SPATA13: variants seen among roughly 807,000 people sequenced by gnomAD.
SPATA13 encodes the protein spermatogenesis associated 13.
A neutral mutation model predicts 104.0 loss-of-function variants in SPATA13; 50 were observed. That is an observed-to-expected ratio of 0.48 (90% CI 0.38 to 0.61). The LOEUF is 0.61. SPATA13 is among the 20% of genes least tolerant of loss of function. SPATA13 has a pLI of 0.00. For missense variants in SPATA13, 1,524 were observed against 1,690.6 expected (o/e 0.90, Z 1.73); for synonymous variants, 606 against 667.5 (o/e 0.91, Z 1.42).
At chr13:24,089,910 G>A (rs1212045353) in intron 3 of SPATA13, among the ~76,000 whole-genome samples, 4 of 152,190 alleles carry the variant, frequency 2.6e-5, no homozygotes, top group Admixed American at 6.5e-5. Context: ...CTGTCCTCTG[G>A]AGGGGCCAAA....
intron 3 of SPATA13, among the ~76,000 whole-genome samples, chr13:24,095,417 G>A (rs1264920895): frequency 6.6e-6 from 1 of 152,042 alleles, no homozygotes; most frequent in Non-Finnish European, 1.5e-5. Flanking sequence ...TGGGGTAGGG[G>A]GTGCAGAATA....
rs57012558 is a variant in SPATA13, at chr13:24,151,972, G to A, written c.-111-70847G>A. Among the ~76,000 whole-genome samples the A allele has an allele frequency of 9.9e-3, 1,509 of 152,322 alleles. 24 individuals carry two copies. The highest frequency in any genetic ancestry group is 0.034 in the African/African-American group (1,433 of 41,558). Reference sequence around the variant, plus strand: ...AAAGGCATAAAGCTGTGAAGATGTGGTTCAGTTCTCAGGGAATGCCTGGTT... The same window carrying A: ...AAAGGCATAAAGCTGTGAAGATGTGATTCAGTTCTCAGGGAATGCCTGGTT... On this transcript the variant is annotated intron_variant, in intron 3 of 14. Transcript: ENST00000424834.
At chr13:24,079,652 C>CT (rs1879445858) in intron 3 of SPATA13, among the ~76,000 whole-genome samples, 1 of 152,100 alleles carries the variant, frequency 6.6e-6, no homozygotes, top group Non-Finnish European at 1.5e-5. Context: ...CCAGTTCTTT[C>CT]CTGGGCTCTA....
intron 4 of SPATA13, among the ~76,000 whole-genome samples, chr13:24,273,442 C>G (rs753663547): frequency 5.3e-5 from 8 of 152,076 alleles, no homozygotes; most frequent in Non-Finnish European, 1.2e-4. Flanking sequence ...TATTGTTGTC[C>G]ACATGTTTAA....
At chr13:24,016,981 G>A (rs1876744161) in intron 2 of SPATA13, among the ~76,000 whole-genome samples, 1 of 152,252 alleles carries the variant, frequency 6.6e-6, no homozygotes, top group Non-Finnish European at 1.5e-5. Context: ...TGAACACCAA[G>A]TGGGGCCTGA....
chr13:24,260,862 T>C (rs1593471580), intron 4 of SPATA13, among the ~76,000 whole-genome samples: 1 of 152,238 alleles, frequency 6.6e-6, no homozygotes, highest in Non-Finnish European at 1.5e-5. Flanking sequence ...CAGGGAGCCT[T>C]GTCCTACATC....
At chr13:24,064,137 G>C (rs1213214795) in intron 3 of SPATA13, among the ~76,000 whole-genome samples, 2 of 152,140 alleles carry the variant, frequency 1.3e-5, no homozygotes, top group East Asian at 3.8e-4. Flanking sequence ...TGCCTCATCA[G>C]GCCACTCCAG....
chr13:24,288,625 G>A (rs937926969), intron 7 of SPATA13, among the ~76,000 whole-genome samples: 5 of 152,330 alleles, frequency 3.3e-5, no homozygotes, highest in Admixed American at 6.5e-5. Flanking sequence ...TCAGCAAGCA[G>A]TGACATTCTG....
intron 1 of SPATA13, among the ~76,000 whole-genome samples, chr13:24,200,766 G>A (rs1001026561): frequency 1.3e-5 from 2 of 151,216 alleles, no homozygotes; most frequent in African/African-American, 4.9e-5. Context: ...CCTCATGACT[G>A]TTGGTCACCT....
chr13:24,090,262 T>C (rs1879868932), intron 3 of SPATA13, among the ~76,000 whole-genome samples: 1 of 152,220 alleles, frequency 6.6e-6, no homozygotes, highest in Non-Finnish European at 1.5e-5. Flanking sequence ...TCTGCTCTGC[T>C]GTGGCCAGGG....
intron 2 of SPATA13, among the ~76,000 whole-genome samples, chr13:24,240,808 C>T (rs184535391): frequency 1.1e-4 from 17 of 152,292 alleles, no homozygotes; most frequent in Admixed American, 1.1e-3. Flanking sequence ...GTGTTTTTCG[C>T]ATCTTTTATC....
chr13:24,286,175 C>T lies in SPATA13; in HGVS notation c.2302-39C>T, dbSNP rs763094471. 5.8e-6 allele frequency: 9 copies of T among 1,557,442 alleles called. No homozygotes were observed. In the South Asian group the frequency reaches 6.0e-5, roughly 10 times the overall value. On this transcript the variant is annotated intron_variant, in intron 5 of 12. Coordinates refer to ENST00000382108, the MANE Select transcript of SPATA13 (RefSeq NM_001166271.3). This position sits in a 1 kb window ranked among gnomAD's most constrained non-coding sequence, Gnocchi z 4.9. ...TGGCTCCCTCACCATCCCGCCCACT[C>T]GTGCTCTATGCTGAGCGCACCCCAC...
In SPATA13 at chr13:24,276,633, T is replaced by TG. The variant is rs1438159567; in HGVS notation, c.2165-7502_2165-7501insG. Among the ~76,000 whole-genome samples, 72 of 70,160 alleles carry TG rather than the reference T, an allele frequency of 1.0e-3. 1 individual carries two copies. In the Middle Eastern group the frequency reaches 0.067, roughly 66 times the overall value. The allele number at this position is 70,160 out of a possible 152,430, so 46.0% of individuals were successfully genotyped here. ...GTGTGCTTAAAAAGGGTTAAGATGG[T>TG]AAAAGAAAGGAAGAAAGAAACAATA... On this transcript the variant is annotated intron_variant, in intron 4 of 12. Transcript: ENST00000382108.
At chr13:24,240,881 C>G (rs903840750) in intron 2 of SPATA13, among the ~76,000 whole-genome samples, 1 of 152,164 alleles carries the variant, frequency 6.6e-6, no homozygotes, top group Non-Finnish European at 1.5e-5. Flanking sequence ...TCTCCTACTT[C>G]AAGGGAGATA....
In SPATA13 at chr13:24,294,808, G is replaced by A. The variant is rs576539911; in HGVS notation, c.3150G>A (p.Lys1050=). The A allele has an allele frequency of 6.9e-5, 112 of 1,611,822 alleles. 3 individuals carry two copies. In the South Asian group the frequency reaches 1.1e-3, roughly 16 times the overall value. Residue 1050 remains lysine, a synonymous_variant, in exon 10 of 13, where the codon AAG becomes AAA. Transcript: ENST00000382108. ...KNVACLINER[K]RKLESIDKIA... ...TGGCCTGTCTGATCAACGAGCGCAA[G>A]CGCAAGCTGGAGAGCATCGACAAGA... is the stretch of plus-strand genomic sequence containing the variant.
chr13:24,013,752 G>T (rs1387464896), intron 2 of SPATA13, among the ~76,000 whole-genome samples: 1 of 142,248 alleles, frequency 7.0e-6, no homozygotes, highest in Non-Finnish European at 1.5e-5. Flanking sequence ...TCAACAGTCT[G>T]CAGTGTTAGG....
At chr13:24,092,710 A>G (rs2137792753) in intron 3 of SPATA13, among the ~76,000 whole-genome samples, 1 of 152,320 alleles carries the variant, frequency 6.6e-6, no homozygotes, top group Non-Finnish European at 1.5e-5. Flanking sequence ...ATTCCCTTTC[A>G]AACTGCCACA....
chr13:24,252,271 A>C (rs1873537567), intron 4 of SPATA13, among the ~76,000 whole-genome samples: 1 of 152,066 alleles, frequency 6.6e-6, no homozygotes, highest in Admixed American at 6.5e-5. Flanking sequence ...CTGTAGGAGC[A>C]TTGCCTCATC....
intron 3 of SPATA13, among the ~76,000 whole-genome samples, chr13:24,038,923 A>G (rs942016416): frequency 3.3e-5 from 5 of 152,226 alleles, no homozygotes; most frequent in African/African-American, 9.6e-5. Context: ...AAATCCAGAG[A>G]AACCTGCTCA....
Sources: allele counts gnomAD v4.1 joint callset (sites outside exome capture counted in the v4.1 genomes callset), GRCh38; gene constraint gnomAD v4.1.1; non-coding constraint Gnocchi (gnomAD v3.1); transcripts MANE v1.5; gene names NCBI Gene and HGNC (gene_info 2026-07-23, HGNC 2026-07-21).